Variants in WDSUB1 observed in about 807,000 individuals in gnomAD.
The protein encoded by WDSUB1 is WD repeat, SAM and U-box domain-containing protein 1.
In WDSUB1, 49 loss-of-function variants were observed where a neutral mutation model predicts 53.9. The ratio of observed to expected loss-of-function variants is 0.91; its 90% CI spans 0.72 to 1.15. The LOEUF is 1.15. Ranked by LOEUF, WDSUB1 falls within the 50% of genes most tolerant of loss-of-function variation. The pLI is 0.00. For synonymous variants in WDSUB1, 194 were observed against 200.6 expected, an observed-to-expected ratio of 0.97 and a Z score of 0.28; for missense variants, 514 against 562.0, an observed-to-expected ratio of 0.91 and a Z score of 0.86.
At chr2:159,286,290 A>C (rs1264054590) in intron 1 of WDSUB1, 1 of 152,418 alleles carries the variant, frequency 6.6e-6, no homozygotes, top group African/African-American at 2.4e-5. Context: ...GCCCCCCTCT[A>C]TGAGCGGCCG....
chr2:159,274,854 T>A lies in WDSUB1; in HGVS notation c.676+692A>T, dbSNP rs1403692917. Among the ~76,000 whole-genome samples the A allele has an allele frequency of 2.6e-5, 4 of 152,224 alleles. No homozygotes were observed. In the South Asian group the frequency reaches 6.2e-4, roughly 24 times the overall value. ...TTAAAGCAAAAACTCCTAAATGACATCCTGAGAGTTTTGAGATCTTACATT... is the reference window on the plus strand; with the variant it reads ...TTAAAGCAAAAACTCCTAAATGACAACCTGAGAGTTTTGAGATCTTACATT... On this transcript the variant is annotated intron_variant, in intron 4 of 10. Coordinates refer to ENST00000359774, the MANE Select transcript of WDSUB1 (RefSeq NM_001128212.3).
intron 10 of WDSUB1, among the ~76,000 whole-genome samples, chr2:159,241,719 C>CTTTCTTT: frequency 7.7e-6 from 1 of 130,380 alleles, no homozygotes; most frequent in African/African-American, 3.2e-5. Context: ...TTTCTTTTTT[C>CTTTCTTT]TTTTTTTTTT....
chr2:159,256,407 CAAA>C, intron 8 of WDSUB1, 32 bp from the exon 9 acceptor site: 1 of 1,564,546 alleles, frequency 6.4e-7, no homozygotes, highest in Non-Finnish European at 8.6e-7. Context: ...AGTGAGATAA[CAAA>C]AAAGTATTTC....
At position 159,250,088 on chromosome 2, in the gene WDSUB1, C is replaced by CAAAATAAAAA. The variant is rs2060914839; in HGVS notation, c.1133-1577_1133-1576insTTTTTATTTT. On this transcript the variant is annotated intron_variant, in intron 9 of 10. Coordinates refer to ENST00000359774, the MANE Select transcript of WDSUB1 (RefSeq NM_001128212.3). The stretch of plus-strand genomic sequence containing the variant: ...TGGGCGACACAGTGAGACTCTGCCT[C>CAAAATAAAAA]AAAAAAAAAAAAAAAAAAAGAAGGG... Among the ~76,000 whole-genome samples, 2 of 83,528 alleles carry CAAAATAAAAA rather than the reference C, an allele frequency of 2.4e-5. 1 individual carries two copies. The highest frequency in any genetic ancestry group is 0.016 in the Middle Eastern group (2 of 124). 54.8% of individuals were successfully genotyped at this position (83,528 alleles called of 152,430 possible).
intron 10 of WDSUB1, among the ~76,000 whole-genome samples, chr2:159,240,254 A>G (rs1380915595): frequency 6.6e-6 from 1 of 152,168 alleles, no homozygotes; most frequent in Non-Finnish European, 1.5e-5. Flanking sequence ...TTGTATGGCT[A>G]TACGACATTT....
chr2:159,252,396 G>T lies in WDSUB1; in HGVS notation c.1132+3800C>A, dbSNP rs566265193. 7.9e-4 allele frequency among the ~76,000 whole-genome samples: 121 copies of T among 152,272 alleles called. 1 individual carries two copies. Among genetic ancestry groups the T allele is most frequent in the African/African-American group, 2.8e-3 (118 of 41,542 alleles). Reference sequence around the variant, plus strand: ...GAACCCTACAATATACGTGAGTGAGGACAAGCCATTAACAGCCATAAAGAC... The same window carrying T: ...GAACCCTACAATATACGTGAGTGAGTACAAGCCATTAACAGCCATAAAGAC... On this transcript the variant is annotated intron_variant, in intron 9 of 10. Coordinates refer to ENST00000359774, the MANE Select transcript of WDSUB1 (RefSeq NM_001128212.3).
intron 5 of WDSUB1, among the ~76,000 whole-genome samples, chr2:159,265,084 C>CAA (rs1164740308): frequency 1.5e-3 from 142 of 94,800 alleles, no homozygotes; most frequent in African/African-American, 5.4e-3. Context: ...AACTCCATCT[C>CAA]AAAAAAAAAA....
At chr2:159,258,014 T>G in intron 6 of WDSUB1, 29 bp from the exon 7 acceptor site, 1 of 1,604,378 alleles carries the variant, frequency 6.2e-7, no homozygotes, top group Non-Finnish European at 8.5e-7. Flanking sequence ...AGCTTTAAAT[T>G]TACTCAAGTA....
At chr2:159,268,105 A>C (rs2061379660) in intron 5 of WDSUB1, among the ~76,000 whole-genome samples, 1 of 152,240 alleles carries the variant, frequency 6.6e-6, no homozygotes, top group Admixed American at 6.5e-5. Context: ...AACTTAACAC[A>C]ATATTGAGTA....
chr2:159,243,205 T>C (rs2060706755), intron 10 of WDSUB1, among the ~76,000 whole-genome samples: 1 of 147,802 alleles, frequency 6.8e-6, no homozygotes, highest in African/African-American at 2.6e-5. Flanking sequence ...GGGATTACGC[T>C]AAGAAAAAAA....
At chr2:159,245,497 C>T (rs1241513812) in intron 10 of WDSUB1, among the ~76,000 whole-genome samples, 2 of 150,226 alleles carry the variant, frequency 1.3e-5, no homozygotes, top group Non-Finnish European at 3.0e-5. Context: ...GGAGCCACTG[C>T]ACTCCAGCGT....
At chr2:159,250,088 C>CAAAAAAAAAAAAAAAAAAAAAAAA (rs374038625) in intron 9 of WDSUB1, among the ~76,000 whole-genome samples, 3 of 83,540 alleles carry the variant, frequency 3.6e-5, no homozygotes, top group African/African-American at 1.1e-4. Context: ...GACTCTGCCT[C>CAAAAAAAAAAAAAAAAAAAAAAAA]AAAAAAAAAA....
Position 159,279,760 on chromosome 2 carries a change from C to T in WDSUB1, c.583+1G>A, listed in dbSNP as rs1409672012. ...GTGCTTAAAAGAATAAAATAACCAA[C>T]CAGAAACTGGCTGTGAAGAAAAATC... On this transcript the variant is annotated splice_donor_variant, in intron 3 of 10. Coordinates refer to ENST00000359774, the MANE Select transcript of WDSUB1 (RefSeq NM_001128212.3). LOFTEE classifies it high-confidence loss of function. 1 of 1,600,710 alleles carries T rather than the reference C, an allele frequency of 6.2e-7. No individual in the cohort carries two copies. The highest frequency in any genetic ancestry group is 2.2e-5 in the East Asian group (1 of 44,728).
At chr2:159,241,504 G>C (rs2060646342) in intron 10 of WDSUB1, among the ~76,000 whole-genome samples, 2 of 129,962 alleles carry the variant, frequency 1.5e-5, no homozygotes, top group Non-Finnish European at 3.0e-5. Flanking sequence ...AGAGGTCTCA[G>C]TGAACTGAGA....
intron 5 of WDSUB1, among the ~76,000 whole-genome samples, chr2:159,267,140 G>T (rs1453521257): frequency 6.6e-6 from 1 of 152,018 alleles, no homozygotes; most frequent in Non-Finnish European, 1.5e-5. Flanking sequence ...TTATTTGAAT[G>T]TTTATTATAC....
intron 10 of WDSUB1, among the ~76,000 whole-genome samples, chr2:159,239,024 T>C (rs915886894): frequency 2.0e-5 from 3 of 152,132 alleles, no homozygotes; most frequent in Non-Finnish European, 2.9e-5. Context: ...TTTTCTAAGA[T>C]AGGGTCTCAC....
intron 5 of WDSUB1, among the ~76,000 whole-genome samples, chr2:159,264,124 A>G (rs1287334591): frequency 6.6e-6 from 1 of 152,198 alleles, no homozygotes; most frequent in African/African-American, 2.4e-5. Context: ...CCCCCAATGT[A>G]TCAAAATTGA....
chr2:159,259,300 C>G (rs2151094743), intron 6 of WDSUB1, among the ~76,000 whole-genome samples: 1 of 152,276 alleles, frequency 6.6e-6, no homozygotes, highest in East Asian at 1.9e-4. Context: ...GCTGGGATTA[C>G]AGGTGTGAGC....
intron 8 of WDSUB1, 81 bp downstream of exon 8, chr2:159,257,677 G>C: frequency 4.0e-6 from 5 of 1,259,774 alleles, no homozygotes; most frequent in Non-Finnish European, 5.7e-6. Context: ...TGTGAGCCGC[G>C]GTGCCCAGCC....
Sources: gnomAD v4.1 joint callset for allele counts (sites outside exome capture counted in the v4.1 genomes callset) on GRCh38, gnomAD v4.1.1 for gene constraint, MANE v1.5 for transcripts, NCBI Gene and HGNC (gene_info 2026-07-23, HGNC 2026-07-21) for gene names.